The following XPNPEP2 variants were observed in gnomAD, a reference collection of about 807,000 sequenced individuals.
The protein encoded by XPNPEP2 is X-prolyl aminopeptidase 2.
In XPNPEP2, 64 loss-of-function variants were observed where a neutral mutation model predicts 59.8. The ratio of observed to expected loss-of-function variants is 1.07; its 90% CI spans 0.87 to 1.32. The LOEUF is 1.32. Among genes scored for constraint, XPNPEP2 ranks in the 40% most tolerant of loss-of-function variants. The probability of loss-of-function intolerance (pLI) is 0.00; values close to 1 mark genes in which losing one functional copy is unlikely to be tolerated. For missense variants in XPNPEP2, 575 were observed against 546.8 expected, an observed-to-expected ratio of 1.05 and a Z score of -0.51; for synonymous variants, 235 against 210.0, an observed-to-expected ratio of 1.12 and a Z score of -1.03.
chrX:129,757,385 C>T (rs770881101), intron 14 of XPNPEP2, among the ~76,000 whole-genome samples: 58 of 110,861 alleles, frequency 5.2e-4, no homozygotes, highest in African/African-American at 1.6e-3. Context: ...ATGCAGACTC[C>T]TCAGCCCCCT....
In XPNPEP2 at chrX:129,739,009, C is replaced by G; in HGVS notation, c.-205C>G. The G allele has an allele frequency of 2.2e-6, 1 of 446,263 alleles. No homozygotes were observed. Among genetic ancestry groups the G allele is most frequent in the Non-Finnish European group, 3.9e-6 (1 of 257,298 alleles). 36.8% of individuals were successfully genotyped at this position (446,263 alleles called of 1,213,427 possible). On this transcript the variant is annotated 5_prime_UTR_variant, in exon 1 of 21. Transcript: ENST00000371106. ...CCGCCTCGGGCAGCCCAAAGCTCCTCTGCCCACCCTGGCTCCCAGAGCCCT... is the reference window on the plus strand; with the variant it reads ...CCGCCTCGGGCAGCCCAAAGCTCCTGTGCCCACCCTGGCTCCCAGAGCCCT...
intron 1 of XPNPEP2, among the ~76,000 whole-genome samples, chrX:129,740,425 G>A (rs1157081790): frequency 4.5e-5 from 5 of 111,658 alleles, no homozygotes; most frequent in South Asian, 7.5e-4. Context: ...TCAGGAGTTC[G>A]AGACCAGCCT....
intron 10 of XPNPEP2, 66 bp downstream of exon 10, chrX:129,752,411 C>T: frequency 9.0e-7 from 1 of 1,116,744 alleles, no homozygotes; most frequent in African/African-American, 1.8e-5. Flanking sequence ...GAAGTCTTAA[C>T]CTAAAGTGAG....
In XPNPEP2 at chrX:129,741,178, G is replaced by GGT. The variant is rs762581671; in HGVS notation, c.50-929_50-928insTG. Among the ~76,000 whole-genome samples the GGT allele has an allele frequency of 1.8e-4, 18 of 101,811 alleles. 1 individual carries two copies. In the Admixed American group the frequency reaches 1.9e-3, roughly 11 times the overall value. 88.4% of individuals were successfully genotyped at this position (101,811 alleles called of 115,157 possible). ...ATGGTTGCTCAATGAATATTGGGGGGGGGTCACTCTCGAGTCACTCTAAAT... is the reference window on the plus strand; with the variant it reads ...ATGGTTGCTCAATGAATATTGGGGGGGTGGGTCACTCTCGAGTCACTCTAAAT... On this transcript the variant is annotated intron_variant, in intron 1 of 20. Transcript: ENST00000371106.
chrX:129,751,714 A>G lies in XPNPEP2; in HGVS notation c.740-31A>G, dbSNP rs145047701. ...AAAAGCTTGCCTCAGGCAGATCAGCATTAAATATTCCTTGTCAATTCTCTT... is the reference window on the plus strand; with the variant it reads ...AAAAGCTTGCCTCAGGCAGATCAGCGTTAAATATTCCTTGTCAATTCTCTT... On this transcript the variant is annotated intron_variant, in intron 8 of 20. Coordinates refer to ENST00000371106, the MANE Select transcript of XPNPEP2 (RefSeq NM_003399.6). The G allele has an allele frequency of 1.7e-3, 1,940 of 1,172,314 alleles. 27 individuals carry two copies. In the African/African-American group the frequency reaches 0.031, roughly 19 times the overall value.
intron 19 of XPNPEP2, among the ~76,000 whole-genome samples, chrX:129,763,875 A>T (rs1373452800): frequency 9.0e-6 from 1 of 110,844 alleles, no homozygotes; most frequent in Non-Finnish European, 1.9e-5. Flanking sequence ...TAAGAAAAAA[A>T]TGATTATTCA....
chrX:129,739,453 C>G lies in XPNPEP2; in HGVS notation c.49+191C>G, dbSNP rs760820. On this transcript the variant is annotated intron_variant, in intron 1 of 20. Transcript: ENST00000371106. ...GGATCGAGTCTGGTTTGGCACCTTT[C>G]CATTCCCCCCGTTATAGAAAAAAAA... 7.6e-3 allele frequency among the ~76,000 whole-genome samples: 845 copies of G among 111,742 alleles called. 13 individuals are homozygous for G. Among genetic ancestry groups the G allele is most frequent in the African/African-American group, 0.025 (779 of 30,736 alleles).
chrX:129,757,883 GAGAGAGAGAGAGAA>G (rs1219681239), intron 14 of XPNPEP2, among the ~76,000 whole-genome samples: 122 of 81,236 alleles, frequency 1.5e-3, no homozygotes, highest in African/African-American at 6.5e-3. Context: ...AAGAGAGAGA[GAGAGAGAGAGAGAA>G]AGAAAGAAAG....
At chrX:129,750,598 G>T in intron 8 of XPNPEP2, 29 bp downstream of exon 8, 1 of 1,133,609 alleles carries the variant, frequency 8.8e-7, no homozygotes, top group African/African-American at 1.8e-5. Context: ...ACATGGGTGG[G>T]CGCCTGGGTC....
chrX:129,747,818 A>C (rs1409987158), intron 7 of XPNPEP2, 65 bp downstream of exon 7: 1 of 1,201,549 alleles, frequency 8.3e-7, no homozygotes, highest in South Asian at 1.8e-5. Flanking sequence ...GCTATTCCGT[A>C]GGTGGCAAAC....
chrX:129,755,502 T>C (rs1926503111), intron 13 of XPNPEP2, 131 bp downstream of exon 13: 6 of 589,957 alleles, frequency 1.0e-5, no homozygotes, highest in Admixed American at 3.1e-5. Flanking sequence ...CCTAGCCCTG[T>C]GGGGGCTGGG....
At chrX:129,749,291 A>T (rs1001947115) in intron 7 of XPNPEP2, among the ~76,000 whole-genome samples, 1 of 111,922 alleles carries the variant, frequency 8.9e-6, no homozygotes, top group Middle Eastern at 4.6e-3. Context: ...TCCTTTGGGG[A>T]TGAAGAAAAT....
Position 129,767,613 on chromosome X carries a change from G to A in XPNPEP2, c.1751G>A (p.Ser584Asn), listed in dbSNP as rs371108056. 2.5e-6 allele frequency: 3 copies of A among 1,209,707 alleles called. No individual in the cohort carries two copies. The African/African-American group carries it at 5.2e-5, about 21-fold the overall frequency. Residue 584 changes from serine to asparagine, a missense_variant, in exon 20 of 21, where the codon AGC (serine) becomes AAC (asparagine). Physicochemically the swap from Ser to Asn is conservative, Grantham distance 46. Coordinates refer to ENST00000371106, the MANE Select transcript of XPNPEP2 (RefSeq NM_003399.6). ...VVEAKTKYPG[S>N]YLTFEVVSFV... ...ATTCTGGGCTCCCAGTACCCAGGGA[G>A]CTACCTGACCTTTGAAGTGGTATCA...
At chrX:129,756,367 C>A in intron 13 of XPNPEP2, 117 bp from the exon 14 acceptor site, 1 of 704,700 alleles carries the variant, frequency 1.4e-6, no homozygotes, top group Non-Finnish European at 2.2e-6. Flanking sequence ...GATAGAATGA[C>A]TTCCTCCAGA....
At chrX:129,757,597 G>A (rs1286348880) in intron 14 of XPNPEP2, among the ~76,000 whole-genome samples, 1 of 107,457 alleles carries the variant, frequency 9.3e-6, no homozygotes, top group Non-Finnish European at 1.9e-5. Context: ...CCTGAGGTCA[G>A]GAGCTTGAGA....
rs1926295008 is a variant in XPNPEP2, at chrX:129,746,289, T to C, written c.352T>C (p.Trp118Arg). 1 of 1,209,983 alleles carries C rather than the reference T, an allele frequency of 8.3e-7. No individual in the cohort carries two copies. The highest frequency in any genetic ancestry group is 1.7e-5 in the African/African-American group (1 of 57,309). Residue 118 changes from tryptophan (W) to arginine (R), a missense_variant, in exon 5 of 21, where the codon TGG becomes CGG. Coordinates refer to ENST00000371106, the MANE Select transcript of XPNPEP2 (RefSeq NM_003399.6). Reference sequence around the variant, plus strand: ...AGCTGTCTGGACCGACAGTCGCTACTGGACTCAGGCTGAGCGGCAGATGGA... The same window carrying C: ...AGCTGTCTGGACCGACAGTCGCTACCGGACTCAGGCTGAGCGGCAGATGGA... ...KAAVWTDSRY[W>R]TQAERQMDCN...
At chrX:129,754,691 T>G in intron 12 of XPNPEP2, 110 bp downstream of exon 12, 1 of 723,229 alleles carries the variant, frequency 1.4e-6, no homozygotes, top group Non-Finnish European at 2.0e-6. Context: ...CCTCCTCATA[T>G]GCGTGCTGGG....
intron 5 of XPNPEP2, 93 bp from the exon 6 acceptor site, chrX:129,746,502 C>T (rs896514332): frequency 3.1e-5 from 31 of 992,613 alleles, no homozygotes; most frequent in Non-Finnish European, 4.4e-5. Flanking sequence ...AAGGAAGACA[C>T]ACATGGTAGG....
Position 129,742,195 on chromosome X carries a change from G to GC in XPNPEP2, c.123+20dup, listed in dbSNP as rs781403885. 28 of 1,053,612 alleles carry GC rather than the reference G, an allele frequency of 2.7e-5. No homozygotes were observed. The highest frequency in any genetic ancestry group is 2.2e-4 in the Admixed American group (8 of 35,703). The allele number at this position is 1,053,612 out of a possible 1,213,427, so 86.8% of individuals were successfully genotyped here. ...ACCAACCCCCCTGTGAGTGCCCCCT[G>GC]CCCCCCGCGCACGGCCCCCCTGGCC... On this transcript the variant is annotated intron_variant, in intron 2 of 20. Coordinates refer to ENST00000371106, the MANE Select transcript of XPNPEP2 (RefSeq NM_003399.6).
Sources: gnomAD v4.1 joint callset for allele counts (sites outside exome capture counted in the v4.1 genomes callset) on GRCh38, gnomAD v4.1.1 for gene constraint, MANE v1.5 for transcripts, NCBI Gene and HGNC (gene_info 2026-07-23, HGNC 2026-07-21) for gene names.